Variants in MAST2 observed in about 807,000 individuals in gnomAD.
MAST2 encodes microtubule-associated serine/threonine-protein kinase 2.
In MAST2, 70 loss-of-function variants were observed where a neutral mutation model predicts 147.4. That is an observed-to-expected ratio of 0.47 (90% CI 0.39 to 0.58). The LOEUF (loss-of-function observed/expected upper bound fraction) is 0.58, where lower values mean the gene tolerates loss of function less well. Among genes scored for constraint, MAST2 ranks in the 20% least tolerant of loss-of-function variants. The pLI, the probability that MAST2 is intolerant of heterozygous loss-of-function variation, is 0.00. For missense variants in MAST2, 2,080 were observed against 2,302.3 expected (o/e 0.90, Z 1.98); for synonymous variants, 869 against 896.8 (o/e 0.97, Z 0.55).
In MAST2 at chr1:45,844,491, C is replaced by G. The variant is rs181735913; in HGVS notation, c.468+14910C>G. ...TAGAGATGGTGTTTCACCATGTTGGCCAGGCTGGTCCCAAACTCCTGGCCT... is the reference window on the plus strand; with the variant it reads ...TAGAGATGGTGTTTCACCATGTTGGGCAGGCTGGTCCCAAACTCCTGGCCT... On this transcript the variant is annotated intron_variant, in intron 3 of 28. Coordinates refer to ENST00000361297, the MANE Select transcript of MAST2 (RefSeq NM_015112.3). 3.7e-3 allele frequency among the ~76,000 whole-genome samples: 564 copies of G among 152,188 alleles called. 1 individual carries two copies. Among genetic ancestry groups the G allele is most frequent in the Non-Finnish European group, 5.6e-3 (380 of 68,022 alleles).
chr1:46,002,230 T>C (rs1480226944), intron 6 of MAST2, among the ~76,000 whole-genome samples: 2 of 152,184 alleles, frequency 1.3e-5, no homozygotes, highest in Non-Finnish European at 2.9e-5. Context: ...CTCCCTTCTC[T>C]TTCATAAAGT....
intron 4 of MAST2, among the ~76,000 whole-genome samples, chr1:45,924,656 T>A (rs897080729): frequency 1.5e-4 from 23 of 152,276 alleles, no homozygotes; most frequent in Non-Finnish European, 2.8e-4. Context: ...ATAACTATTA[T>A]AGGCTGAATT....
intron 3 of MAST2, among the ~76,000 whole-genome samples, chr1:45,855,283 A>G (rs75541370): frequency 0.045 from 6,894 of 152,052 alleles, 507 homozygotes; most frequent in African/African-American, 0.15. Context: ...CAAAAAATAT[A>G]TATTTTTATT....
At chr1:45,909,094 C>T (rs1651249021) in intron 4 of MAST2, among the ~76,000 whole-genome samples, 1 of 152,144 alleles carries the variant, frequency 6.6e-6, no homozygotes, top group African/African-American at 2.4e-5. Flanking sequence ...GTACTTTTTA[C>T]ATCAAATGTA....
At chr1:45,873,495 G>C (rs567214752) in intron 3 of MAST2, among the ~76,000 whole-genome samples, 73 of 152,098 alleles carry the variant, frequency 4.8e-4, no homozygotes, top group African/African-American at 1.7e-3. Context: ...ACCACACCTG[G>C]TCAATTTCTT....
At chr1:46,001,245 T>G (rs1645262349) in intron 6 of MAST2, among the ~76,000 whole-genome samples, 1 of 152,188 alleles carries the variant, frequency 6.6e-6, no homozygotes, top group Non-Finnish European at 1.5e-5. Flanking sequence ...GTCACCCTTA[T>G]TCCCACAGCT....
Position 46,035,895 on chromosome 1 carries a change from C to T in MAST2, c.5226C>T (p.Ser1742=), listed in dbSNP as rs750935294. The T allele has an allele frequency of 3.1e-6, 5 of 1,613,996 alleles. 1 individual carries two copies. In the South Asian group the frequency reaches 4.4e-5, roughly 14 times the overall value. Reference sequence around the variant, plus strand: ...CAGTGAAAGAGGATCCAGCCCTGAGCATCACCCAAGTGCCTGATGCCTCAG... The same window carrying T: ...CAGTGAAAGAGGATCCAGCCCTGAGTATCACCCAAGTGCCTGATGCCTCAG... ...AQAVKEDPAL[S]ITQVPDASGD... is the part of the protein sequence containing the mutation. The change falls in exon 29 of 29, where the codon AGC becomes AGT. Residue 1742 remains serine (S), a synonymous_variant. Transcript: ENST00000361297. This position sits in a 1 kb window ranked among gnomAD's most constrained non-coding sequence, Gnocchi z 5.5.
intron 4 of MAST2, among the ~76,000 whole-genome samples, chr1:45,899,318 T>TTTTG (rs1479859130): frequency 1.3e-5 from 2 of 148,496 alleles, no homozygotes; most frequent in East Asian, 3.9e-4. Context: ...TTTTTTTTTT[T>TTTTG]TTTTTTTTTA....
intron 4 of MAST2, among the ~76,000 whole-genome samples, chr1:45,897,765 C>T (rs952616183): frequency 1.3e-5 from 2 of 151,460 alleles, no homozygotes; most frequent in African/African-American, 2.4e-5. Flanking sequence ...GCCATAATCA[C>T]GCCGCTGCAC....
intron 4 of MAST2, among the ~76,000 whole-genome samples, chr1:45,933,585 CAAA>C (rs11312369): frequency 1.8e-4 from 18 of 102,256 alleles, no homozygotes; most frequent in Admixed American, 3.0e-4. Context: ...ACTAAAAATG[CAAA>C]AAAAAAAAAA....
intron 3 of MAST2, chr1:45,847,643 C>T (rs1358624085): frequency 6.0e-6 from 3 of 498,838 alleles, no homozygotes; most frequent in Non-Finnish European, 1.1e-5. Context: ...GAGCTCTGCA[C>T]TCTAGACCCA....
chr1:46,029,437 C>A, intron 18 of MAST2, 29 bp from the exon 19 acceptor site: 1 of 1,578,512 alleles, frequency 6.3e-7, no homozygotes, highest in South Asian at 1.1e-5. Flanking sequence ...CACAATTTCT[C>A]CTTTCCCTCT....
intron 4 of MAST2, among the ~76,000 whole-genome samples, chr1:45,930,396 G>GTTTT (rs764697917): frequency 7.1e-6 from 1 of 140,578 alleles, no homozygotes; most frequent in African/African-American, 2.7e-5. Context: ...TGTTTTTTTT[G>GTTTT]TTTTGTTTTG....
At chr1:45,895,480 C>T (rs1008845160) in intron 4 of MAST2, among the ~76,000 whole-genome samples, 2 of 152,082 alleles carry the variant, frequency 1.3e-5, no homozygotes, top group Admixed American at 1.3e-4. Context: ...GTGGAGATTC[C>T]GTAAACTTCT....
At chr1:45,864,892 G>A (rs541011049) in intron 3 of MAST2, among the ~76,000 whole-genome samples, 2 of 152,352 alleles carry the variant, frequency 1.3e-5, no homozygotes, top group South Asian at 4.1e-4. Flanking sequence ...CAGTGCTTCA[G>A]ATGAGATGTA....
chr1:45,806,671 G>A (rs138962507), intron 1 of MAST2, among the ~76,000 whole-genome samples: 69 of 152,070 alleles, frequency 4.5e-4, no homozygotes, highest in African/African-American at 1.6e-3. Context: ...TCTGCCTCCC[G>A]GATTCAAGCG....
chr1:45,821,472 G>A (rs1318010773), intron 1 of MAST2, among the ~76,000 whole-genome samples: 1 of 139,780 alleles, frequency 7.2e-6, no homozygotes, highest in Non-Finnish European at 1.5e-5. Context: ...GTGTAGATTT[G>A]TATCTGTCAT....
intron 4 of MAST2, among the ~76,000 whole-genome samples, chr1:45,905,351 AT>A (rs1418357711): frequency 6.6e-6 from 1 of 151,314 alleles, no homozygotes; most frequent in African/African-American, 2.4e-5. Flanking sequence ...CATCTGGCTA[AT>A]TTTTTTGTAT....
At chr1:45,915,389 C>A (rs1652320655) in intron 4 of MAST2, among the ~76,000 whole-genome samples, 1 of 152,102 alleles carries the variant, frequency 6.6e-6, no homozygotes, top group African/African-American at 2.4e-5. Context: ...AACCAGTTTG[C>A]AGAGTAGTAA....
Sources: gnomAD v4.1 joint callset for allele counts (sites outside exome capture counted in the v4.1 genomes callset) on GRCh38, gnomAD v4.1.1 for gene constraint, Gnocchi (gnomAD v3.1) non-coding constraint, MANE v1.5 for transcripts, NCBI Gene and HGNC (gene_info 2026-07-23, HGNC 2026-07-21) for gene names.